The following KCNAB1 variants were observed in gnomAD, a reference collection of about 807,000 sequenced individuals.
KCNAB1 encodes the protein voltage-gated potassium channel subunit beta-1.
Under a neutral mutation model 64.6 loss-of-function variants are expected in KCNAB1, and 35 were observed. That is an observed-to-expected ratio of 0.54 (90% CI 0.41 to 0.72). The LOEUF (loss-of-function observed/expected upper bound fraction) is 0.72. Ranked by LOEUF, KCNAB1 falls within the 30% of genes least tolerant of loss-of-function variation. KCNAB1 has a pLI of 0.00. For missense variants in KCNAB1, 401 were observed against 512.9 expected (o/e 0.78, Z 2.11); for synonymous variants, 177 against 183.8 (o/e 0.96, Z 0.30).
chr3:156,175,841 C>T (rs1712332931), intron 1 of KCNAB1: 1 of 666,762 alleles, frequency 1.5e-6, no homozygotes, highest in African/African-American at 1.8e-5. Context: ...AGACAAGTAG[C>T]CTTGGAGTCT....
intron 1 of KCNAB1, among the ~76,000 whole-genome samples, chr3:156,276,013 C>T (rs1719323017): frequency 6.6e-6 from 1 of 151,816 alleles, no homozygotes; most frequent in Admixed American, 6.6e-5. Flanking sequence ...ATCATAAAAT[C>T]ACTATGTATG....
chr3:156,308,610 A>G (rs1721673921), intron 1 of KCNAB1, among the ~76,000 whole-genome samples: 1 of 152,184 alleles, frequency 6.6e-6, no homozygotes. Context: ...TGCCCACTGT[A>G]GTGTTTAGCC....
intron 1 of KCNAB1, among the ~76,000 whole-genome samples, chr3:156,288,153 A>G (rs561353877): frequency 1.3e-5 from 2 of 152,124 alleles, no homozygotes; most frequent in African/African-American, 4.8e-5. Context: ...GTGCCTTCCC[A>G]TCGTCTTCAC....
intron 1 of KCNAB1, chr3:156,291,110 G>A (rs951472746): frequency 1.7e-5 from 17 of 985,326 alleles, no homozygotes; most frequent in Non-Finnish European, 2.0e-5. Flanking sequence ...CAACCCTCCC[G>A]ATTTGTTACA....
chr3:156,201,583 G>T (rs114699277), intron 1 of KCNAB1, among the ~76,000 whole-genome samples: 1 of 152,204 alleles, frequency 6.6e-6, no homozygotes, highest in African/African-American at 2.4e-5. Flanking sequence ...GCGCAGGGGC[G>T]GGGGACTAGC....
intron 1 of KCNAB1, among the ~76,000 whole-genome samples, chr3:156,227,180 C>A (rs1247563348): frequency 6.6e-6 from 1 of 152,136 alleles, no homozygotes; most frequent in African/African-American, 2.4e-5. Context: ...TTTGTGTGAA[C>A]AAATGTAGGC....
At chr3:156,312,892 T>A (rs1334923249) in intron 1 of KCNAB1, among the ~76,000 whole-genome samples, 1 of 152,132 alleles carries the variant, frequency 6.6e-6, no homozygotes, top group Non-Finnish European at 1.5e-5. Context: ...TGTTAACAAC[T>A]GCCTCTTCTG....
At chr3:156,292,060 G>A (rs1178060756) in intron 1 of KCNAB1, 3 of 1,614,138 alleles carry the variant, frequency 1.9e-6, no homozygotes, top group Non-Finnish European at 2.5e-6. Context: ...GCAGCCTGGG[G>A]ACGTTCACGC....
At chr3:156,157,901 C>T (rs891413363) in intron 1 of KCNAB1, among the ~76,000 whole-genome samples, 19 of 151,788 alleles carry the variant, frequency 1.3e-4, no homozygotes, top group African/African-American at 4.4e-4. Context: ...ATAAAAGGGC[C>T]GCCTGTAATC....
intron 1 of KCNAB1, among the ~76,000 whole-genome samples, chr3:156,241,859 T>C (rs993132158): frequency 3.3e-5 from 5 of 152,202 alleles, no homozygotes; most frequent in African/African-American, 9.6e-5. Context: ...TTAAAAACCT[T>C]GTGTGTCTGA....
At chr3:156,287,325 C>T (rs112530806) in intron 1 of KCNAB1, among the ~76,000 whole-genome samples, 32 of 145,190 alleles carry the variant, frequency 2.2e-4, no homozygotes, top group African/African-American at 7.8e-4. Flanking sequence ...TATTTGGCCC[C>T]GTGCAATGTT....
Position 156,508,862 on chromosome 3 carries a change from T to A in KCNAB1, c.659-5502T>A, listed in dbSNP as rs1453627614. Among the ~76,000 whole-genome samples, 1 of 151,916 alleles carries A rather than the reference T, an allele frequency of 6.6e-6. No individual in the cohort carries two copies. Among genetic ancestry groups the A allele is most frequent in the Non-Finnish European group, 1.5e-5 (1 of 67,984 alleles). On this transcript the variant is annotated intron_variant, in intron 8 of 13. Coordinates refer to ENST00000490337, the MANE Select transcript of KCNAB1 (RefSeq NM_172160.3). The surrounding 1 kb of genome is among the most constrained non-coding windows in gnomAD (Gnocchi z 4.1). ...TGAGCGCTGGGGAGGCATCATTAGG[T>A]TAAAGAATAATGATTATTTCAACCT...
intron 1 of KCNAB1, among the ~76,000 whole-genome samples, chr3:156,139,584 G>GTGTTTT (rs1714574318): frequency 1.8e-5 from 1 of 55,248 alleles, no homozygotes; most frequent in Non-Finnish European, 3.2e-5. Context: ...ATTGTACTGT[G>GTGTTTT]TTTTTTTTTT....
At chr3:156,411,117 G>C (rs1204791931) in intron 1 of KCNAB1, among the ~76,000 whole-genome samples, 25 of 152,054 alleles carry the variant, frequency 1.6e-4, no homozygotes. Context: ...TAGTATGTTT[G>C]TTTGTTATCT....
At chr3:156,201,229 T>C (rs921457896) in intron 1 of KCNAB1, among the ~76,000 whole-genome samples, 3 of 152,258 alleles carry the variant, frequency 2.0e-5, no homozygotes, top group Non-Finnish European at 2.9e-5. Context: ...TTGGTCTTGC[T>C]GGGAGCTGCA....
chr3:156,388,476 T>C (rs995407452), intron 1 of KCNAB1, among the ~76,000 whole-genome samples: 1 of 152,206 alleles, frequency 6.6e-6, no homozygotes, highest in African/African-American at 2.4e-5. Flanking sequence ...AATAATATTC[T>C]AACACCACGT....
intron 2 of KCNAB1, among the ~76,000 whole-genome samples, chr3:156,423,646 A>G (rs542227510): frequency 6.6e-6 from 1 of 152,208 alleles, no homozygotes; most frequent in Non-Finnish European, 1.5e-5. Flanking sequence ...CCATGTCCAT[A>G]GTTATGTGTT....
intron 1 of KCNAB1, among the ~76,000 whole-genome samples, chr3:156,342,853 A>G (rs1400854551): frequency 6.6e-6 from 1 of 152,044 alleles, no homozygotes; most frequent in Non-Finnish European, 1.5e-5. Context: ...GGGCTTTTCA[A>G]GATGTTCTCA....
intron 1 of KCNAB1, among the ~76,000 whole-genome samples, chr3:156,332,989 C>A (rs1323445937): frequency 6.6e-6 from 1 of 152,036 alleles, no homozygotes. Context: ...TGGAGTTGGC[C>A]TTGCCAGGTA....
Sources: allele counts gnomAD v4.1 joint callset (sites outside exome capture counted in the v4.1 genomes callset), GRCh38; gene constraint gnomAD v4.1.1; non-coding constraint Gnocchi (gnomAD v3.1); transcripts MANE v1.5; gene names NCBI Gene and HGNC (gene_info 2026-07-23, HGNC 2026-07-21).